LIMK2: variants seen among roughly 807,000 people sequenced by gnomAD.
LIMK2 encodes the protein LIM domain kinase 2.
Under a neutral mutation model 75.7 loss-of-function variants are expected in LIMK2, and 35 were observed. The observed-to-expected ratio is 0.46, with a 90% CI of 0.35 to 0.61. The LOEUF (loss-of-function observed/expected upper bound fraction) is 0.61, where lower values mean the gene tolerates loss of function less well. Ranked by LOEUF, LIMK2 falls within the 20% of genes least tolerant of loss-of-function variation. The pLI is 0.00. For synonymous variants in LIMK2, 301 were observed against 319.2 expected, an observed-to-expected ratio of 0.94 and a Z score of 0.61; for missense variants, 623 against 831.0, an observed-to-expected ratio of 0.75 and a Z score of 3.08.
At position 31,267,761 on chromosome 22, in the gene LIMK2, T is replaced by G. The variant is rs754054156; in HGVS notation, c.1129-15T>G. ...AAGTTAACCACCAGCTTTCCTTGGCTTCCCCCACCCCCAGGTGAAAGTGAT... is the reference window on the plus strand; with the variant it reads ...AAGTTAACCACCAGCTTTCCTTGGCGTCCCCCACCCCCAGGTGAAAGTGAT... On this transcript the variant is annotated splice_polypyrimidine_tract_variant and intron_variant, in intron 9 of 15. Coordinates refer to ENST00000331728, the MANE Select transcript of LIMK2 (RefSeq NM_005569.4). 3 of 1,576,958 alleles carry G rather than the reference T, an allele frequency of 1.9e-6. No homozygotes were observed. The highest frequency in any genetic ancestry group is 1.4e-5 in the African/African-American group (1 of 73,200).
chr22:31,254,413 C>T (rs2048756619), intron 2 of LIMK2, among the ~76,000 whole-genome samples: 1 of 152,214 alleles, frequency 6.6e-6, no homozygotes, highest in Non-Finnish European at 1.5e-5. Context: ...GCTACTGGTT[C>T]TTGCCACTCC....
At chr22:31,251,382 A>G (rs117012841) in intron 2 of LIMK2, among the ~76,000 whole-genome samples, 2 of 152,340 alleles carry the variant, frequency 1.3e-5, no homozygotes, top group Non-Finnish European at 2.9e-5. Flanking sequence ...AACCTTTGGC[A>G]GGTGCCTTAG....
At chr22:31,238,789 G>A (rs59473370) in intron 2 of LIMK2, among the ~76,000 whole-genome samples, 20,773 of 152,176 alleles carry the variant, frequency 0.14, 2,238 homozygotes, top group African/African-American at 0.29. Flanking sequence ...AAGATCACAC[G>A]CAGATTTTCT....
intron 5 of LIMK2, among the ~76,000 whole-genome samples, chr22:31,261,791 T>A (rs73158543): frequency 0.067 from 10,013 of 149,520 alleles, 415 homozygotes; most frequent in Admixed American, 0.16. Context: ...AAACAAAGTT[T>A]AAAAAAAAAA....
rs530506348 is a variant in LIMK2 at position 31,269,062 on chromosome 22, G to GTT, written c.1317+870_1317+871dup. 2.9e-5 allele frequency among the ~76,000 whole-genome samples: 4 copies of GTT among 140,304 alleles called. No homozygotes were observed. The East Asian group carries it at 8.1e-4, about 28-fold the overall frequency. 92.0% of individuals were successfully genotyped at this position (140,304 alleles called of 152,430 possible). A position where few individuals can be genotyped will look rare whatever the true frequency, so the allele number is the denominator to read the frequency against. ...TGTTTGTTTGTTTGTTTGTTTTTTT[G>GTT]TTTTTTTTTCCTGTTTCTGGGGCTT... On this transcript the variant is annotated intron_variant, in intron 11 of 15. Transcript: ENST00000331728.
At position 31,266,027 on chromosome 22, in the gene LIMK2, A is replaced by T; in HGVS notation, c.936A>T (p.Ser312=). 3 of 1,614,180 alleles carry T rather than the reference A, an allele frequency of 1.9e-6. No homozygotes were observed. Among genetic ancestry groups the T allele is most frequent in the Non-Finnish European group, 2.5e-6 (3 of 1,180,026 alleles). Residue 312 remains serine (S), a synonymous_variant, in exon 8 of 16, where the codon TCA becomes TCT. Transcript: ENST00000331728. Reference sequence around the variant, plus strand: ...TGTTCAGCCGTGACATCAGCCGCTCAGAATCCCTTCGTTGTTCCAGCAGCT... The same window carrying T: ...TGTTCAGCCGTGACATCAGCCGCTCTGAATCCCTTCGTTGTTCCAGCAGCT... ...PLLFSRDISR[S]ESLRCSSSYS...
rs2048849733 is a variant in LIMK2 at position 31,262,373 on chromosome 22, T to C, written c.657+134T>C. ...TTAGCATTGAGCCTGTGACCACTGGTGACCTATTTCAGCGTAACAGGTTCC... is the reference window on the plus strand; with the variant it reads ...TTAGCATTGAGCCTGTGACCACTGGCGACCTATTTCAGCGTAACAGGTTCC... On this transcript the variant is annotated intron_variant, in intron 6 of 15. Transcript: ENST00000331728. The surrounding 1 kb of genome is among the most constrained non-coding windows in gnomAD (Gnocchi z 5.0). 1 of 836,614 alleles carries C rather than the reference T, an allele frequency of 1.2e-6. No homozygotes were observed. The highest frequency in any genetic ancestry group is 2.0e-6 in the Non-Finnish European group (1 of 511,276). The allele number at this position is 836,614 out of a possible 1,614,324, so 51.8% of individuals were successfully genotyped here.
intron 2 of LIMK2, among the ~76,000 whole-genome samples, chr22:31,247,186 C>G (rs981009849): frequency 1.3e-5 from 2 of 152,052 alleles, no homozygotes; most frequent in Admixed American, 1.3e-4. Context: ...GAGCTGATGT[C>G]ACTGCCCCAA....
intron 2 of LIMK2, among the ~76,000 whole-genome samples, chr22:31,251,263 G>C (rs1385499172): frequency 6.6e-6 from 1 of 152,138 alleles, no homozygotes; most frequent in Non-Finnish European, 1.5e-5. Flanking sequence ...GATTTAATGA[G>C]CTTGGGTTTA....
chr22:31,276,667 C>T (rs995868953), intron 15 of LIMK2: 1 of 1,043,876 alleles, frequency 9.6e-7, no homozygotes, highest in Non-Finnish European at 1.2e-6. Flanking sequence ...GCCCCACGCG[C>T]GCACGTGGCC....
Position 31,278,476 on chromosome 22 carries a change from A to C in LIMK2, c.*35A>C. On this transcript the variant is annotated 3_prime_UTR_variant, in exon 16 of 16. Transcript: ENST00000331728. ...AGCCCCCTGCAGGGGGGTGTTCTAC[A>C]GCCAGCATTGCCCCTCTGTGCCCCA... The C allele has an allele frequency of 6.4e-7, 1 of 1,563,628 alleles. No homozygotes were observed. Among genetic ancestry groups the C allele is most frequent in the South Asian group, 1.2e-5 (1 of 84,760 alleles).
intron 1 of LIMK2, among the ~76,000 whole-genome samples, chr22:31,224,178 T>A (rs2048459463): frequency 6.6e-6 from 1 of 152,238 alleles, no homozygotes; most frequent in Admixed American, 6.5e-5. Flanking sequence ...GTCCTCTTTA[T>A]TTCAAGAAGT....
At chr22:31,276,245 G>T (rs944311045) in intron 15 of LIMK2, among the ~76,000 whole-genome samples, 13 of 152,010 alleles carry the variant, frequency 8.6e-5, no homozygotes, top group African/African-American at 2.9e-4. Context: ...CAAAAATGGG[G>T]TTCTTTTCCT....
chr22:31,265,056 T>A (rs2048878453), intron 7 of LIMK2, among the ~76,000 whole-genome samples: 1 of 151,704 alleles, frequency 6.6e-6, no homozygotes, highest in South Asian at 2.1e-4. Flanking sequence ...TATTCGGTTG[T>A]GGTGGCACAC....
intron 2 of LIMK2, among the ~76,000 whole-genome samples, chr22:31,228,155 G>A (rs1049705813): frequency 1.3e-5 from 2 of 151,998 alleles, no homozygotes; most frequent in African/African-American, 4.8e-5. Flanking sequence ...GGTGGCTCAC[G>A]CCTGTAATCC....
chr22:31,232,561 T>G (rs1265234507), intron 2 of LIMK2, among the ~76,000 whole-genome samples: 2 of 152,152 alleles, frequency 1.3e-5, no homozygotes, highest in African/African-American at 2.4e-5. Flanking sequence ...TTAGGCACTG[T>G]GGGGGATACG....
At chr22:31,233,093 G>A (rs2048543009) in intron 2 of LIMK2, among the ~76,000 whole-genome samples, 1 of 152,122 alleles carries the variant, frequency 6.6e-6, no homozygotes, top group Non-Finnish European at 1.5e-5. Context: ...CTCCCAAACT[G>A]CACTAAGGGT....
intron 2 of LIMK2, among the ~76,000 whole-genome samples, chr22:31,246,183 G>GCACACACACACACACACA (rs57524309): frequency 0.041 from 5,475 of 134,980 alleles, 222 homozygotes; most frequent in Non-Finnish European, 0.059. Flanking sequence ...ACGCACGCAC[G>GCACACACACACACACACA]CACACACACA....
At chr22:31,248,629 G>A (rs763437735) in intron 2 of LIMK2, 16 of 1,612,630 alleles carry the variant, frequency 9.9e-6, no homozygotes, top group Admixed American at 5.0e-5. Flanking sequence ...CGGGAGCCCC[G>A]GGCCTGTCAT....
Sources: gnomAD v4.1 joint callset for allele counts (sites outside exome capture counted in the v4.1 genomes callset) on GRCh38, gnomAD v4.1.1 for gene constraint, Gnocchi (gnomAD v3.1) non-coding constraint, MANE v1.5 for transcripts, NCBI Gene and HGNC (gene_info 2026-07-23, HGNC 2026-07-21) for gene names.